Variants in ATXN1 observed in about 807,000 individuals in gnomAD.
The protein encoded by ATXN1 is ataxin-1.
In ATXN1, 8 loss-of-function variants were observed where a neutral mutation model predicts 56.4. The observed-to-expected ratio is 0.14, with a 90% CI of 0.08 to 0.26. The LOEUF (loss-of-function observed/expected upper bound fraction) is 0.26. Ranked by LOEUF, ATXN1 falls within the 10% of genes least tolerant of loss-of-function variation. ATXN1 has a pLI of 1.00. For synonymous variants in ATXN1, 514 were observed against 494.6 expected (o/e 1.04, Z -0.52); for missense variants, 987 against 1,106.5 (o/e 0.89, Z 1.53).
intron 2 of ATXN1, among the ~76,000 whole-genome samples, chr6:16,743,988 A>T (rs1457738703): frequency 6.6e-6 from 1 of 152,206 alleles, no homozygotes; most frequent in Non-Finnish European, 1.5e-5. Flanking sequence ...ATGAGAACCC[A>T]GGGAGGGAGT....
At chr6:16,493,918 A>G (rs1760721420) in intron 5 of ATXN1, among the ~76,000 whole-genome samples, 1 of 152,236 alleles carries the variant, frequency 6.6e-6, no homozygotes, top group South Asian at 2.1e-4. Context: ...TTTCTGAGGA[A>G]TAAAGAGAAG....
intron 2 of ATXN1, among the ~76,000 whole-genome samples, chr6:16,751,093 C>G (rs1282837827): frequency 1.3e-5 from 2 of 151,818 alleles, no homozygotes; most frequent in African/African-American, 4.8e-5. Context: ...CTCAGTGTCC[C>G]AAGTAGCTGG....
intron 2 of ATXN1, among the ~76,000 whole-genome samples, chr6:16,684,581 G>A (rs1022919740): frequency 6.6e-6 from 1 of 152,098 alleles, no homozygotes; most frequent in African/African-American, 2.4e-5. Flanking sequence ...AAGGCTCAGA[G>A]AACTTCGGTT....
intron 6 of ATXN1, among the ~76,000 whole-genome samples, chr6:16,343,366 G>A (rs1761301228): frequency 2.0e-5 from 3 of 152,064 alleles, no homozygotes; most frequent in Admixed American, 1.3e-4. Context: ...AAATAAATAT[G>A]TCATGATCTT....
At position 16,636,518 on chromosome 6, in the gene ATXN1, GTCAC is replaced by G. The variant is rs1249734389; in HGVS notation, c.-489+21254_-489+21257del. The stretch of plus-strand genomic sequence containing the variant: ...ATATTTGGCCACTCCCCACTTTGTG[GTCAC>G]CCTGCTCTGCCTGATGCATGGGCAC... On this transcript the variant is annotated intron_variant, in intron 3 of 7. Coordinates refer to ENST00000436367, the MANE Select transcript of ATXN1 (RefSeq NM_001128164.2). Among the ~76,000 whole-genome samples, 13 of 152,284 alleles carry G rather than the reference GTCAC, an allele frequency of 8.5e-5. No homozygotes were observed. The East Asian group carries it at 1.4e-3, about 16-fold the overall frequency.
intron 3 of ATXN1, among the ~76,000 whole-genome samples, chr6:16,591,121 A>AT (rs1186731013): frequency 1.3e-5 from 2 of 150,054 alleles, no homozygotes; most frequent in Admixed American, 1.3e-4. Flanking sequence ...GCGCCCAACT[A>AT]TTTTTTTAAT....
intron 3 of ATXN1, among the ~76,000 whole-genome samples, chr6:16,624,260 A>G (rs1234780997): frequency 6.6e-6 from 1 of 150,422 alleles, no homozygotes; most frequent in Non-Finnish European, 1.5e-5. Flanking sequence ...CTGGGGCAGG[A>G]GGATCACTTG....
At chr6:16,691,754 T>C (rs759127272) in intron 2 of ATXN1, among the ~76,000 whole-genome samples, 15 of 152,312 alleles carry the variant, frequency 9.8e-5, no homozygotes, top group Non-Finnish European at 1.9e-4. Flanking sequence ...ACAAAAGTGG[T>C]CACTGTTTAT....
intron 2 of ATXN1, among the ~76,000 whole-genome samples, chr6:16,670,392 G>T (rs1758516235): frequency 6.6e-6 from 1 of 152,100 alleles, no homozygotes; most frequent in Non-Finnish European, 1.5e-5. Flanking sequence ...CATGGTGACT[G>T]CAGTATACTC....
intron 6 of ATXN1, among the ~76,000 whole-genome samples, chr6:16,423,113 T>C (rs1408053619): frequency 6.6e-6 from 1 of 151,774 alleles, no homozygotes; most frequent in East Asian, 1.9e-4. Context: ...TACATTTCAC[T>C]TGTTAGCCAT....
At chr6:16,595,018 G>A (rs919633005) in intron 3 of ATXN1, among the ~76,000 whole-genome samples, 3 of 152,148 alleles carry the variant, frequency 2.0e-5, no homozygotes, top group Non-Finnish European at 2.9e-5. Flanking sequence ...CTTAAGCAAG[G>A]TGGATACCAA....
In ATXN1 at chr6:16,308,368, A is replaced by ACACACG. The variant is rs1491275467; in HGVS notation, c.1918-1510_1918-1509insCGTGTG. ...CACACACACACACACACACACACAC[A>ACACACG]CTTCCTGGGTTGGATCAGGAAAAGA... is the stretch of plus-strand genomic sequence containing the variant. On this transcript the variant is annotated intron_variant, in intron 7 of 7. Transcript: ENST00000436367. 2.8e-4 allele frequency among the ~76,000 whole-genome samples: 39 copies of ACACACG among 139,710 alleles called. No individual in the cohort carries two copies. The East Asian group carries it at 5.0e-3, about 18-fold the overall frequency. The allele number at this position is 139,710 out of a possible 152,430, so 91.7% of individuals were successfully genotyped here.
intron 6 of ATXN1, among the ~76,000 whole-genome samples, chr6:16,422,633 T>G (rs772437425): frequency 6.6e-6 from 1 of 152,080 alleles, no homozygotes; most frequent in Non-Finnish European, 1.5e-5. Context: ...TTCCTAAGAG[T>G]TGTCAAGCAA....
At chr6:16,661,402 G>A (rs990778046) in intron 2 of ATXN1, among the ~76,000 whole-genome samples, 4 of 152,138 alleles carry the variant, frequency 2.6e-5, no homozygotes, top group Non-Finnish European at 4.4e-5. Context: ...GAAGACCAGA[G>A]ATAATTTTTA....
chr6:16,402,470 T>C (rs903738035), intron 6 of ATXN1, among the ~76,000 whole-genome samples: 6 of 151,956 alleles, frequency 3.9e-5, no homozygotes, highest in Admixed American at 1.3e-4. Flanking sequence ...AACTGGCTTA[T>C]AGCAATTTTC....
intron 4 of ATXN1, among the ~76,000 whole-genome samples, chr6:16,556,677 G>C (rs138294451): frequency 2.3e-4 from 35 of 152,202 alleles, no homozygotes; most frequent in African/African-American, 7.7e-4. Context: ...GTTAATGGGG[G>C]AACATGAGAA....
intron 2 of ATXN1, among the ~76,000 whole-genome samples, chr6:16,666,304 A>T (rs553771239): frequency 3.0e-4 from 46 of 152,342 alleles, no homozygotes; most frequent in African/African-American, 1.1e-3. Context: ...TGTTGTTACA[A>T]ATGACAGAAT....
At position 16,613,156 on chromosome 6, in the gene ATXN1, T is replaced by A. The variant is rs529819550; in HGVS notation, c.-488-27249A>T. 1.3e-4 allele frequency among the ~76,000 whole-genome samples: 19 copies of A among 148,480 alleles called. No homozygotes were observed. In the South Asian group the frequency reaches 4.0e-3, roughly 31 times the overall value. On this transcript the variant is annotated intron_variant, in intron 3 of 7. Coordinates refer to ENST00000436367, the MANE Select transcript of ATXN1 (RefSeq NM_001128164.2). ...GGCGGGCGCCTGTAGTCCCAGCCACTCGGGAGGCTGAGGCAGGAGAATGGC... is the reference window on the plus strand; with the variant it reads ...GGCGGGCGCCTGTAGTCCCAGCCACACGGGAGGCTGAGGCAGGAGAATGGC...
intron 2 of ATXN1, among the ~76,000 whole-genome samples, chr6:16,702,004 C>A (rs1759295754): frequency 2.6e-5 from 4 of 151,902 alleles, no homozygotes; most frequent in African/African-American, 9.7e-5. Flanking sequence ...CATATGGAAC[C>A]AAAAAAGAGC....
Sources: allele counts gnomAD v4.1 joint callset (sites outside exome capture counted in the v4.1 genomes callset), GRCh38; gene constraint gnomAD v4.1.1; transcripts MANE v1.5; gene names NCBI Gene and HGNC (gene_info 2026-07-23, HGNC 2026-07-21).